The following TBC1D2B variants were observed in gnomAD, a reference collection of about 807,000 sequenced individuals.
The protein encoded by TBC1D2B is TBC1 domain family member 2B.
Under a neutral mutation model 100.8 loss-of-function variants are expected in TBC1D2B, and 64 were observed. That is an observed-to-expected ratio of 0.64 (90% CI 0.52 to 0.78). The LOEUF (loss-of-function observed/expected upper bound fraction) is 0.78. Among genes scored for constraint, TBC1D2B ranks in the 30% least tolerant of loss-of-function variants. The pLI is 0.00. For synonymous variants in TBC1D2B, 480 were observed against 479.7 expected, an observed-to-expected ratio of 1.00 and a Z score of -0.01; for missense variants, 1,052 against 1,218.4, an observed-to-expected ratio of 0.86 and a Z score of 2.03.
chr15:78,039,901 C>A lies in TBC1D2B; in HGVS notation c.683+4999G>T, dbSNP rs111280548. Among the ~76,000 whole-genome samples the A allele has an allele frequency of 1.3e-3, 202 of 152,288 alleles. 2 individuals are homozygous for A. The highest frequency in any genetic ancestry group is 3.5e-3 in the Admixed American group (53 of 15,308). ...AAACCTGGGCTGACTACAATATCCA[C>A]AATGTGACCCCACTCTTGAACAGAA... On this transcript the variant is annotated intron_variant, in intron 3 of 12. Coordinates refer to ENST00000300584, the MANE Select transcript of TBC1D2B (RefSeq NM_144572.2).
chr15:78,061,528 G>T (rs2073545298), intron 1 of TBC1D2B, among the ~76,000 whole-genome samples: 2 of 151,034 alleles, frequency 1.3e-5, no homozygotes, highest in Admixed American at 1.3e-4. Context: ...AGCCATAACT[G>T]TACCACTGTA....
Position 78,077,338 on chromosome 15 carries a change from G to T in TBC1D2B, c.315C>A (p.Pro105=), listed in dbSNP as rs894848222. Residue 105 remains proline (P), a synonymous_variant, in exon 1 of 13, where the codon CCC becomes CCA. Transcript: ENST00000300584. ...DEAAEPGTEP[P]AHFQVHSAGA... ...CCGCGCTGTGCACCTGGAAGTGCGC[G>T]GGCGGCTCCGTGCCCGGCTCCGCCG... 3.3e-6 allele frequency: 5 copies of T among 1,537,116 alleles called. No individual in the cohort carries two copies. In the East Asian group the frequency reaches 1.0e-4, roughly 31 times the overall value.
chr15:78,031,383 G>C (rs1282452487), intron 3 of TBC1D2B, among the ~76,000 whole-genome samples: 3 of 151,850 alleles, frequency 2.0e-5, no homozygotes, highest in African/African-American at 7.3e-5. Flanking sequence ...GCGAAACTCT[G>C]TCTCTACTAA....
chr15:78,048,967 C>CTA (rs2073255699), intron 2 of TBC1D2B, among the ~76,000 whole-genome samples: 1 of 152,216 alleles, frequency 6.6e-6, no homozygotes, highest in Admixed American at 6.5e-5. Flanking sequence ...AGGGTTGTAC[C>CTA]CATATGCATC....
chr15:78,004,763 A>C (rs1339926339), intron 10 of TBC1D2B, among the ~76,000 whole-genome samples: 2 of 152,210 alleles, frequency 1.3e-5, no homozygotes, highest in Admixed American at 1.3e-4. Flanking sequence ...GTAAAAAACA[A>C]CTATAGTCAT....
At chr15:78,019,456 G>A (rs564112587) in intron 6 of TBC1D2B, among the ~76,000 whole-genome samples, 59 of 152,104 alleles carry the variant, frequency 3.9e-4, no homozygotes, top group Non-Finnish European at 7.5e-4. Flanking sequence ...CTAGAACTTC[G>A]ATAGGCATCA....
At chr15:78,076,045 A>C (rs927805533) in intron 1 of TBC1D2B, among the ~76,000 whole-genome samples, 1 of 152,198 alleles carries the variant, frequency 6.6e-6, no homozygotes, top group Non-Finnish European at 1.5e-5. Flanking sequence ...GGAGACTCAC[A>C]GAAACCAGGC....
At chr15:78,063,346 T>C (rs1231092704) in intron 1 of TBC1D2B, among the ~76,000 whole-genome samples, 1 of 152,242 alleles carries the variant, frequency 6.6e-6, no homozygotes, top group Non-Finnish European at 1.5e-5. Context: ...TGAGTCTGCA[T>C]TACTTGCTAT....
chr15:78,016,012 A>T (rs1355835632), intron 8 of TBC1D2B, among the ~76,000 whole-genome samples: 1 of 152,214 alleles, frequency 6.6e-6, no homozygotes, highest in East Asian at 1.9e-4. Flanking sequence ...TCGTGGAAAC[A>T]AGAGGCTGAA....
chr15:78,030,262 CTAATGAT>C (rs1252150518), intron 3 of TBC1D2B, 92 bp from the exon 4 acceptor site: 1 of 1,067,838 alleles, frequency 9.4e-7, no homozygotes, highest in East Asian at 2.7e-5. Context: ...ATTTAAATAT[CTAATGAT>C]ACCAAATGTT....
rs545701621 is a variant in TBC1D2B at position 78,025,381 on chromosome 15, T to G, written c.964A>C (p.Ser322Arg). The change falls in exon 5 of 13, where the codon AGT becomes CGT. Residue 322 changes from serine to arginine, a missense_variant. By Grantham distance (110) the Ser-to-Arg change is moderately radical (BLOSUM62 -1). Transcript: ENST00000300584. ...KNRHSSGDPS[S>R]EGTSGSGSVS... The stretch of plus-strand genomic sequence containing the variant: ...CTGCCACTGCCTGATGTGCCTTCAC[T>G]TGAAGGGTCACCACTGCTGTGACGA... 1.9e-6 allele frequency: 3 copies of G among 1,614,004 alleles called. No individual in the cohort carries two copies. The highest frequency in any genetic ancestry group is 1.1e-5 in the South Asian group (1 of 91,086).
At chr15:78,014,731 A>G (rs2072323640) in intron 8 of TBC1D2B, among the ~76,000 whole-genome samples, 1 of 152,262 alleles carries the variant, frequency 6.6e-6, no homozygotes, top group East Asian at 1.9e-4. Context: ...CTCTTAAAAA[A>G]AATAGCTCAG....
intron 7 of TBC1D2B, 109 bp from the exon 8 acceptor site, chr15:78,016,848 G>T: frequency 1.2e-6 from 1 of 826,268 alleles, no homozygotes; most frequent in Non-Finnish European, 1.8e-6. Flanking sequence ...TAGGAAGTGA[G>T]CCAGAGACAG....
At chr15:78,045,912 GT>G (rs1214411895) in intron 2 of TBC1D2B, among the ~76,000 whole-genome samples, 2 of 151,964 alleles carry the variant, frequency 1.3e-5, no homozygotes, top group African/African-American at 4.8e-5. Flanking sequence ...AAATTTTTTT[GT>G]TTTTGATAAA....
chr15:78,064,416 A>G (rs1445150076), intron 1 of TBC1D2B, among the ~76,000 whole-genome samples: 1 of 152,260 alleles, frequency 6.6e-6, no homozygotes. Context: ...GAATAGGTCA[A>G]GTCTGCATAC....
intron 1 of TBC1D2B, among the ~76,000 whole-genome samples, chr15:78,062,613 C>G (rs906312312): frequency 1.3e-5 from 2 of 152,186 alleles, no homozygotes; most frequent in African/African-American, 4.8e-5. Flanking sequence ...TTTGGTATTT[C>G]CAAACATCTT....
At chr15:78,018,779 A>G (rs2072441356) in intron 6 of TBC1D2B, among the ~76,000 whole-genome samples, 1 of 152,226 alleles carries the variant, frequency 6.6e-6, no homozygotes, top group African/African-American at 2.4e-5. Context: ...GTTTTCATGT[A>G]AAACACTGAA....
chr15:78,039,595 T>C (rs1448504738), intron 3 of TBC1D2B, among the ~76,000 whole-genome samples: 4 of 152,142 alleles, frequency 2.6e-5, no homozygotes, highest in Non-Finnish European at 4.4e-5. Context: ...CTTCACCTAC[T>C]GGCTCAAAAG....
rs2072148598 is a variant in TBC1D2B, at chr15:78,008,977, C to T, written c.2388+20G>A. The stretch of plus-strand genomic sequence containing the variant: ...GCAATTCTAAAAGTGGTGACTAAAA[C>T]ACAGAATTTTCAGAACTACCTGGGA... On this transcript the variant is annotated intron_variant, in intron 10 of 12. Transcript: ENST00000300584. 1.3e-6 allele frequency: 2 copies of T among 1,526,490 alleles called. No individual in the cohort carries two copies. Among genetic ancestry groups the T allele is most frequent in the Middle Eastern group, 1.7e-4 (1 of 5,930 alleles). 94.6% of individuals were successfully genotyped at this position (1,526,490 alleles called of 1,614,324 possible).
Sources: allele counts gnomAD v4.1 joint callset (sites outside exome capture counted in the v4.1 genomes callset), GRCh38; gene constraint gnomAD v4.1.1; transcripts MANE v1.5; gene names NCBI Gene and HGNC (gene_info 2026-07-23, HGNC 2026-07-21).